Variants in LRRC4C observed in about 807,000 individuals in gnomAD.
LRRC4C encodes the protein leucine rich repeat containing 4C.
In LRRC4C, 5 loss-of-function variants were observed where a neutral mutation model predicts 33.6. That is an observed-to-expected ratio of 0.15 (90% CI 0.08 to 0.31). The LOEUF is 0.31. Ranked by LOEUF, LRRC4C falls within the 10% of genes least tolerant of loss-of-function variation. The probability of loss-of-function intolerance (pLI) is 1.00; values close to 1 mark genes in which losing one functional copy is unlikely to be tolerated. For synonymous variants in LRRC4C, 329 were observed against 302.0 expected (o/e 1.09, Z -0.93); for missense variants, 560 against 796.7 (o/e 0.70, Z 3.58).
intron 2 of LRRC4C, among the ~76,000 whole-genome samples, chr11:40,771,748 A>G (rs945402142): frequency 1.3e-5 from 2 of 152,134 alleles, no homozygotes; most frequent in Admixed American, 1.3e-4. Context: ...AGCAATAGTC[A>G]TCTTTGCTCC....
intron 1 of LRRC4C, among the ~76,000 whole-genome samples, chr11:41,081,422 C>T (rs1226014782): frequency 6.6e-6 from 1 of 152,200 alleles, no homozygotes; most frequent in Non-Finnish European, 1.5e-5. Flanking sequence ...ACCCAGCAGT[C>T]TTCACCTCAT....
At chr11:41,385,695 T>A (rs989406750) in intron 1 of LRRC4C, among the ~76,000 whole-genome samples, 1 of 151,176 alleles carries the variant, frequency 6.6e-6, no homozygotes, top group African/African-American at 2.4e-5. Flanking sequence ...AATTAGGAGG[T>A]TATGAAGTGA....
intron 2 of LRRC4C, among the ~76,000 whole-genome samples, chr11:40,898,858 T>G (rs1251451589): frequency 6.6e-6 from 1 of 152,022 alleles, no homozygotes; most frequent in African/African-American, 2.4e-5. Context: ...ATGCTGGCCA[T>G]CATAAGCACA....
chr11:41,375,320 C>T (rs1020638519), intron 1 of LRRC4C, among the ~76,000 whole-genome samples: 17 of 151,460 alleles, frequency 1.1e-4, no homozygotes, highest in Non-Finnish European at 2.4e-4. Flanking sequence ...GAAAGTGTGA[C>T]ATACGTAAGT....
intron 3 of LRRC4C, among the ~76,000 whole-genome samples, chr11:40,368,782 C>T (rs1948325054): frequency 6.6e-6 from 1 of 152,204 alleles, no homozygotes; most frequent in South Asian, 2.1e-4. Context: ...TGAATGTTAC[C>T]CGTCCCCTGG....
At chr11:41,148,702 G>A (rs901082697) in intron 1 of LRRC4C, among the ~76,000 whole-genome samples, 3 of 151,980 alleles carry the variant, frequency 2.0e-5, no homozygotes, top group Non-Finnish European at 4.4e-5. Context: ...GCATTTAGGA[G>A]CCCATCAAGT....
intron 1 of LRRC4C, among the ~76,000 whole-genome samples, chr11:41,297,305 G>A (rs974182004): frequency 6.6e-6 from 1 of 152,056 alleles, no homozygotes; most frequent in African/African-American, 2.4e-5. Flanking sequence ...ATTGAGAATT[G>A]TTTCCATCAA....
chr11:40,369,996 G>A (rs895677950), intron 3 of LRRC4C, among the ~76,000 whole-genome samples: 1 of 152,052 alleles, frequency 6.6e-6, no homozygotes, highest in Non-Finnish European at 1.5e-5. Flanking sequence ...TTTTTTGGTA[G>A]AGAGAAGAAG....
At chr11:40,337,449 A>T (rs1946679021) in intron 3 of LRRC4C, among the ~76,000 whole-genome samples, 1 of 152,172 alleles carries the variant, frequency 6.6e-6, no homozygotes, top group Non-Finnish European at 1.5e-5. Context: ...AAAACAACAC[A>T]ATGGCAGCTT....
intron 1 of LRRC4C, among the ~76,000 whole-genome samples, chr11:41,079,792 A>G (rs1037041804): frequency 6.6e-6 from 1 of 152,172 alleles, no homozygotes; most frequent in African/African-American, 2.4e-5. Flanking sequence ...GTGATTTTTT[A>G]AAGCTCATCA....
chr11:41,287,441 G>A (rs547528585), intron 1 of LRRC4C, among the ~76,000 whole-genome samples: 13 of 152,020 alleles, frequency 8.6e-5, no homozygotes, highest in East Asian at 3.9e-4. Flanking sequence ...TGTTTTTTGC[G>A]TTTTGTTTTG....
intron 2 of LRRC4C, among the ~76,000 whole-genome samples, chr11:40,797,164 T>A (rs1394307557): frequency 6.6e-6 from 1 of 151,882 alleles, no homozygotes. Context: ...GAGAAAAAAA[T>A]TTTTAAAGGA....
At chr11:40,520,649 T>C (rs1955771438) in intron 3 of LRRC4C, among the ~76,000 whole-genome samples, 1 of 152,118 alleles carries the variant, frequency 6.6e-6, no homozygotes, top group African/African-American at 2.4e-5. Context: ...CCATAACAGA[T>C]ATAATGAAAA....
At chr11:40,681,108 C>T (rs906035616) in intron 2 of LRRC4C, among the ~76,000 whole-genome samples, 2 of 152,130 alleles carry the variant, frequency 1.3e-5, no homozygotes, top group Non-Finnish European at 2.9e-5. Context: ...GGGTGGAAAT[C>T]TCAAGTGATA....
In LRRC4C at chr11:41,232,046, C is replaced by G. The variant is rs540561514; in HGVS notation, c.-496+227385G>C. On this transcript the variant is annotated intron_variant, in intron 1 of 6. Coordinates refer to ENST00000528697, the MANE Select transcript of LRRC4C (RefSeq NM_001258419.2). The stretch of plus-strand genomic sequence containing the variant: ...AGCTCAATGAAGCTGTTTTTAGTGT[C>G]ATGTTTTCATGACTTTTTTCAAGCT... Among the ~76,000 whole-genome samples, 9 of 151,846 alleles carry G rather than the reference C, an allele frequency of 5.9e-5. No homozygotes were observed. In the South Asian group the frequency reaches 1.9e-3, roughly 32 times the overall value.
chr11:40,558,036 T>C (rs1224490838), intron 3 of LRRC4C, among the ~76,000 whole-genome samples: 1 of 152,146 alleles, frequency 6.6e-6, no homozygotes, highest in Non-Finnish European at 1.5e-5. Flanking sequence ...ACTGTAAAAA[T>C]AATTCACTTT....
At chr11:40,723,022 C>G (rs553294564) in intron 2 of LRRC4C, among the ~76,000 whole-genome samples, 1 of 151,818 alleles carries the variant, frequency 6.6e-6, no homozygotes. Context: ...AAAGAATAGT[C>G]CTTCAAATCA....
At chr11:41,254,904 A>T (rs1948752363) in intron 1 of LRRC4C, among the ~76,000 whole-genome samples, 1 of 152,094 alleles carries the variant, frequency 6.6e-6, no homozygotes, top group Admixed American at 6.6e-5. Flanking sequence ...CAAGCAACTG[A>T]TTCCATCACA....
chr11:40,114,970 C>G lies in LRRC4C; in HGVS notation c.1323G>C (p.Leu441=), dbSNP rs377117745. The G allele has an allele frequency of 6.2e-7, 1 of 1,614,210 alleles. No homozygotes were observed. The highest frequency in any genetic ancestry group is 2.2e-5 in the East Asian group (1 of 44,882). Residue 441 remains leucine (L), a synonymous_variant, in exon 7 of 7, where the codon CTG becomes CTC. Coordinates refer to ENST00000528697, the MANE Select transcript of LRRC4C (RefSeq NM_001258419.2). ...SVGNTTASAT[L]NVTAATTTPF... is the part of the protein sequence containing the mutation. ...GAGTAGTGGTTGCTGCAGTAACATT[C>G]AGGGTGGCTGAAGCAGTAGTATTCC...
Sources: gnomAD v4.1 joint callset for allele counts (sites outside exome capture counted in the v4.1 genomes callset) on GRCh38, gnomAD v4.1.1 for gene constraint, MANE v1.5 for transcripts, NCBI Gene and HGNC (gene_info 2026-07-23, HGNC 2026-07-21) for gene names.